The following SHLD1 variants were observed in gnomAD, a reference collection of about 807,000 sequenced individuals.
SHLD1 encodes the protein RINN1-REV7-interacting novel NHEJ regulator 3.
A neutral mutation model predicts 5.5 loss-of-function variants in SHLD1; 3 were observed. That is an observed-to-expected ratio of 0.54 (90% confidence interval 0.25 to 1.40). SHLD1 has a LOEUF of 1.40. SHLD1 is among the 40% of genes most tolerant of loss of function. SHLD1 has a pLI of 0.15. For missense variants in SHLD1, 210 were observed against 244.4 expected, an observed-to-expected ratio of 0.86 and a Z score of 0.94; for synonymous variants, 92 against 94.3, an observed-to-expected ratio of 0.98 and a Z score of 0.14.
chr20:5,771,159 T>G (rs562254495), intron 1 of SHLD1, among the ~76,000 whole-genome samples: 2 of 152,350 alleles, frequency 1.3e-5, no homozygotes, highest in South Asian at 4.1e-4. Context: ...GTACCAGAGT[T>G]AATCTGGTAC....
At chr20:5,808,438 G>A (rs899933187) in intron 2 of SHLD1, among the ~76,000 whole-genome samples, 21 of 152,106 alleles carry the variant, frequency 1.4e-4, no homozygotes, top group African/African-American at 4.1e-4. Context: ...CAAACAGCAC[G>A]TATATCTTTT....
chr20:5,750,652 CT>C (rs1983694811), intron 1 of SHLD1, among the ~76,000 whole-genome samples, 173 bp downstream of exon 1: 1 of 151,996 alleles, frequency 6.6e-6, no homozygotes, highest in Non-Finnish European at 1.5e-5. Flanking sequence ...GCAGCCTGTG[CT>C]TTGGGGAATT....
intron 2 of SHLD1, among the ~76,000 whole-genome samples, chr20:5,805,224 C>G (rs552641783): frequency 1.3e-5 from 2 of 152,268 alleles, no homozygotes; most frequent in South Asian, 4.1e-4. Flanking sequence ...GTGGCGCGAT[C>G]TCGGCTTGCC....
rs370101802 is a variant in SHLD1 at position 5,863,620 on chromosome 20, T to C, written c.*157T>C. On this transcript the variant is annotated 3_prime_UTR_variant, in exon 3 of 3. Coordinates refer to ENST00000303142, the MANE Select transcript of SHLD1 (RefSeq NM_152504.4). Reference sequence around the variant, plus strand: ...AAAGGCTGGCACCTGTGACCTGGTATTGGAGCCAGTCAGCCCATATGGAGA... The same window carrying C: ...AAAGGCTGGCACCTGTGACCTGGTACTGGAGCCAGTCAGCCCATATGGAGA... The C allele has an allele frequency of 2.4e-5, 17 of 705,378 alleles. No individual in the cohort carries two copies. Among genetic ancestry groups the C allele is most frequent in the Middle Eastern group, 4.1e-4 (1 of 2,462 alleles). The allele number at this position is 705,378 out of a possible 1,614,324, so 43.7% of individuals were successfully genotyped here.
At chr20:5,762,967 G>A (rs1224483996) in intron 1 of SHLD1, among the ~76,000 whole-genome samples, 5 of 67,388 alleles carry the variant, frequency 7.4e-5, no homozygotes, top group East Asian at 4.3e-4. Flanking sequence ...GTGAGACTCC[G>A]TCTCAAAAAA....
intron 2 of SHLD1, among the ~76,000 whole-genome samples, chr20:5,798,018 G>A (rs908173920): frequency 1.3e-5 from 2 of 152,192 alleles, no homozygotes; most frequent in Admixed American, 1.3e-4. Context: ...CAATTTTGTG[G>A]GTTGATGTGC....
chr20:5,816,928 G>A (rs146097563), intron 2 of SHLD1, among the ~76,000 whole-genome samples: 1 of 152,188 alleles, frequency 6.6e-6, no homozygotes, highest in African/African-American at 2.4e-5. Context: ...AAATAGCTGG[G>A]CGTGGTGGTG....
At chr20:5,846,135 CT>C (rs1330740666) in intron 2 of SHLD1, among the ~76,000 whole-genome samples, 1 of 152,200 alleles carries the variant, frequency 6.6e-6, no homozygotes, top group East Asian at 1.9e-4. Flanking sequence ...AACACTGAAA[CT>C]GGCTCTGTTT....
At chr20:5,853,469 A>G (rs1040034104) in intron 2 of SHLD1, among the ~76,000 whole-genome samples, 3 of 151,968 alleles carry the variant, frequency 2.0e-5, no homozygotes, top group African/African-American at 7.3e-5. Context: ...TAAATAATAA[A>G]CAAATCGTGT....
intron 2 of SHLD1, among the ~76,000 whole-genome samples, chr20:5,799,987 C>T (rs568929567): frequency 1.8e-4 from 26 of 140,646 alleles, no homozygotes; most frequent in African/African-American, 6.6e-4. Flanking sequence ...TAAGGCCATA[C>T]GTGATTATTG....
chr20:5,764,601 A>G (rs1984721057), intron 1 of SHLD1, among the ~76,000 whole-genome samples: 1 of 151,828 alleles, frequency 6.6e-6, no homozygotes, highest in Non-Finnish European at 1.5e-5. Flanking sequence ...CAGGAAGCCA[A>G]CACAGGAGGA....
intron 2 of SHLD1, among the ~76,000 whole-genome samples, chr20:5,796,169 A>G (rs2087209563): frequency 2.0e-5 from 3 of 152,192 alleles, no homozygotes; most frequent in Admixed American, 2.0e-4. Context: ...CATTTACCAA[A>G]GCAAAAGAGC....
intron 1 of SHLD1, among the ~76,000 whole-genome samples, chr20:5,760,668 G>A (rs960157501): frequency 6.6e-6 from 1 of 151,858 alleles, no homozygotes; most frequent in Non-Finnish European, 1.5e-5. Context: ...ACTCCAGCCT[G>A]GGCGACAGAG....
chr20:5,769,416 G>A (rs237416), intron 1 of SHLD1, among the ~76,000 whole-genome samples: 83,707 of 152,134 alleles, frequency 0.55, 23,140 homozygotes, highest in African/African-American at 0.59. Context: ...AATAGCAGGG[G>A]AAAGTACAGC....
At chr20:5,830,005 C>T (rs2087709432) in intron 2 of SHLD1, among the ~76,000 whole-genome samples, 3 of 151,996 alleles carry the variant, frequency 2.0e-5, no homozygotes, top group South Asian at 2.1e-4. Context: ...GGTATAGAAC[C>T]CCATCATTAG....
chr20:5,790,722 G>A (rs558506183), intron 2 of SHLD1, among the ~76,000 whole-genome samples: 6 of 151,954 alleles, frequency 3.9e-5, no homozygotes, highest in Non-Finnish European at 7.4e-5. Context: ...CCAAAGTGCT[G>A]GGATTACAGG....
intron 2 of SHLD1, among the ~76,000 whole-genome samples, chr20:5,802,309 T>C (rs1001653096): frequency 1.7e-4 from 26 of 152,212 alleles, no homozygotes; most frequent in African/African-American, 6.0e-4. Context: ...TTCCTGTTGG[T>C]GGCCTCTATC....
chr20:5,817,418 CTCTCTCTCTCTCTCTGTGTGTG>C lies in SHLD1; in HGVS notation c.178+44377_178+44398del, dbSNP rs1269487019. Among the ~76,000 whole-genome samples, 63 of 136,758 alleles carry C rather than the reference CTCTCTCTCTCTCTCTGTGTGTG, an allele frequency of 4.6e-4. 1 individual carries two copies. Among genetic ancestry groups the C allele is most frequent in the African/African-American group, 1.8e-3 (60 of 33,736 alleles). 89.7% of individuals were successfully genotyped at this position (136,758 alleles called of 152,430 possible). ...TTTCTCTCTCTCTCTCTCTCTCTCT[CTCTCTCTCTCTCTCTGTGTGTG>C]TGTGTGTGTGTGTGTGTGTGTGTGT... On this transcript the variant is annotated intron_variant, in intron 2 of 2. Coordinates refer to ENST00000303142, the MANE Select transcript of SHLD1 (RefSeq NM_152504.4).
rs533313849 is a variant in SHLD1 at position 5,775,923 on chromosome 20, A to ATTTTTTT, written c.178+2896_178+2902dup. ...TGCAGTACTGCCTGGTCAGCTCAGG[A>ATTTTTTT]TTTTTTTTTTTTTTTTTTTTTTGAG... On this transcript the variant is annotated intron_variant, in intron 2 of 2. Transcript: ENST00000303142. Among the ~76,000 whole-genome samples the ATTTTTTT allele has an allele frequency of 1.3e-4, 10 of 77,686 alleles. 2 individuals are homozygous for ATTTTTTT. The highest frequency in any genetic ancestry group is 3.0e-4 in the African/African-American group (5 of 16,798). The allele number at this position is 77,686 out of a possible 152,430, so 51.0% of individuals were successfully genotyped here.
Sources: allele counts gnomAD v4.1 joint callset (sites outside exome capture counted in the v4.1 genomes callset), GRCh38; gene constraint gnomAD v4.1.1; transcripts MANE v1.5; gene names NCBI Gene and HGNC (gene_info 2026-07-23, HGNC 2026-07-21).